The following UBR2 variants were observed in gnomAD, a reference collection of about 807,000 sequenced individuals.
UBR2 encodes the protein E3 ubiquitin-protein ligase UBR2.
Under a neutral mutation model 247.9 loss-of-function variants are expected in UBR2, and 92 were observed. The observed-to-expected ratio is 0.37, with a 90% CI of 0.31 to 0.44. UBR2 has a LOEUF of 0.44. UBR2 is among the 20% of genes least tolerant of loss of function. UBR2 has a pLI of 1.00. For missense variants in UBR2, 1,613 were observed against 2,112.6 expected (o/e 0.76, Z 4.64); for synonymous variants, 672 against 693.5 (o/e 0.97, Z 0.49).
rs1425114693 is a variant in UBR2, at chr6:42,606,593, G to A, written c.806G>A (p.Arg269His). 3.1e-6 allele frequency: 5 copies of A among 1,610,210 alleles called. No individual in the cohort carries two copies. The highest frequency in any genetic ancestry group is 1.3e-5 in the African/African-American group (1 of 74,890). ...TAATTTTAAATATCTTTACAGGGGCGTAGGTCTGTTCGATATGGAGATTTT... is the reference window on the plus strand; with the variant it reads ...TAATTTTAAATATCTTTACAGGGGCATAGGTCTGTTCGATATGGAGATTTT... ...GFATTVDRDG[R>H]RSVRYGDFQY... Residue 269 changes from arginine to histidine, a missense_variant, in exon 7 of 47, where the codon CGT (arginine) becomes CAT (histidine). By Grantham distance (29) the Arg-to-His change is conservative. This residue lies in a region of UBR2 where 1,524 missense variants were observed against 1,967.3 expected (regional missense o/e 0.77). Transcript: ENST00000372901.
intron 42 of UBR2, among the ~76,000 whole-genome samples, chr6:42,681,630 C>T (rs1222285524): frequency 6.6e-6 from 1 of 152,100 alleles, no homozygotes; most frequent in Non-Finnish European, 1.5e-5. Context: ...AACTGGTATA[C>T]TGGTATCCTT....
Position 42,573,821 on chromosome 6 carries a change from C to T in UBR2, c.166C>T (p.Pro56Ser). ...CAAAATCTACTGCAGGGGTCCCAAC[C>T]CTTTTCCACAGAAAGAAGACATGCT... ...VPKIYCRGPN[P>S]FPQKEDMLAQ... Residue 56 changes from proline to serine, a missense_variant, in exon 2 of 47, where the codon CCT becomes TCT. This residue lies in a region of UBR2 where 1,524 missense variants were observed against 1,967.3 expected (regional missense o/e 0.77). Transcript: ENST00000372901. The T allele has an allele frequency of 1.2e-6, 2 of 1,613,828 alleles. No individual in the cohort carries two copies. The highest frequency in any genetic ancestry group is 1.7e-6 in the Non-Finnish European group (2 of 1,179,872).
chr6:42,676,031 C>T (rs139580660), intron 38 of UBR2, 25 bp from the exon 39 acceptor site: 77 of 1,593,512 alleles, frequency 4.8e-5, no homozygotes, highest in African/African-American at 9.5e-5. Flanking sequence ...GGCGATCTGT[C>T]TGATGTCCTG....
chr6:42,672,060 TCTCA>T (rs1257422859), intron 36 of UBR2, among the ~76,000 whole-genome samples: 1 of 151,472 alleles, frequency 6.6e-6, no homozygotes. Flanking sequence ...TGAGATGGAG[TCTCA>T]CTCTGTTGCT....
At chr6:42,685,688 C>T (rs1244348949) in intron 44 of UBR2, among the ~76,000 whole-genome samples, 4 of 151,790 alleles carry the variant, frequency 2.6e-5, no homozygotes, top group African/African-American at 9.7e-5. Flanking sequence ...GGATTACAGG[C>T]ATGAGCCACT....
At chr6:42,576,457 A>T (rs1248952104) in intron 2 of UBR2, among the ~76,000 whole-genome samples, 1 of 150,820 alleles carries the variant, frequency 6.6e-6, no homozygotes, top group Non-Finnish European at 1.5e-5. Context: ...AACTCTCTGC[A>T]TAATTGCCCC....
intron 11 of UBR2, 59 bp downstream of exon 11, chr6:42,617,566 A>C (rs1794640296): frequency 6.9e-7 from 1 of 1,444,320 alleles, no homozygotes; most frequent in Admixed American, 2.0e-5. Flanking sequence ...GCCTTAAAAT[A>C]ATAGAGAACT....
At chr6:42,626,449 A>G (rs926044808) in intron 11 of UBR2, among the ~76,000 whole-genome samples, 1 of 152,170 alleles carries the variant, frequency 6.6e-6, no homozygotes, top group Non-Finnish European at 1.5e-5. Flanking sequence ...AGGGAAATGT[A>G]TGCTCTCTTT....
intron 25 of UBR2, among the ~76,000 whole-genome samples, chr6:42,654,460 C>T (rs73424411): frequency 0.015 from 2,254 of 152,300 alleles, 44 homozygotes; most frequent in African/African-American, 0.053. Context: ...CACAGTGGCT[C>T]ACCCCTGTAA....
chr6:42,599,554 C>T (rs994038683), intron 4 of UBR2, among the ~76,000 whole-genome samples: 1 of 152,144 alleles, frequency 6.6e-6, no homozygotes, highest in African/African-American at 2.4e-5. Context: ...GTACCTTATA[C>T]TGGTTTTAAA....
chr6:42,669,992 G>C, intron 34 of UBR2, 100 bp from the exon 35 acceptor site: 1 of 1,365,294 alleles, frequency 7.3e-7, no homozygotes, highest in Non-Finnish European at 1.0e-6. Flanking sequence ...TATATGTTAA[G>C]TGGTTCAATT....
intron 8 of UBR2, 134 bp downstream of exon 8, chr6:42,612,425 ATATCTT>A: frequency 8.9e-7 from 1 of 1,125,042 alleles, no homozygotes; most frequent in Non-Finnish European, 1.2e-6. Flanking sequence ...CCATTTCAAA[ATATCTT>A]TATGCATAGA....
At chr6:42,685,244 G>C (rs990762387) in intron 44 of UBR2, among the ~76,000 whole-genome samples, 1 of 152,256 alleles carries the variant, frequency 6.6e-6, no homozygotes. Flanking sequence ...CTGAGAGGCA[G>C]AGGTTGTAGT....
intron 34 of UBR2, among the ~76,000 whole-genome samples, chr6:42,667,533 C>T (rs1423394442): frequency 1.5e-5 from 2 of 133,068 alleles, no homozygotes; most frequent in South Asian, 2.3e-4. Context: ...AACTGTGTTT[C>T]TGCTGATACA....
chr6:42,628,701 C>T (rs546968530), intron 11 of UBR2, among the ~76,000 whole-genome samples: 29 of 130,732 alleles, frequency 2.2e-4, no homozygotes, highest in African/African-American at 7.1e-4. Context: ...CTAGCCTGAG[C>T]GACAGAGTGA....
At chr6:42,583,602 A>C (rs1371460102) in intron 2 of UBR2, among the ~76,000 whole-genome samples, 3 of 151,030 alleles carry the variant, frequency 2.0e-5, no homozygotes, top group African/African-American at 7.3e-5. Context: ...GCTCACTGCA[A>C]CCTCTGCCTA....
chr6:42,607,710 C>CTTTTTTTT (rs1562303790), intron 7 of UBR2, among the ~76,000 whole-genome samples: 3 of 52,888 alleles, frequency 5.7e-5, no homozygotes, highest in Non-Finnish European at 7.0e-5. Flanking sequence ...CCACTCCCAG[C>CTTTTTTTT]TGTTTTTTTT....
At chr6:42,687,004 A>G (rs1325237947) in intron 44 of UBR2, among the ~76,000 whole-genome samples, 1 of 143,550 alleles carries the variant, frequency 7.0e-6, no homozygotes, top group East Asian at 2.2e-4. Flanking sequence ...CCTAGACGGG[A>G]TGACGGCCAG....
At chr6:42,660,296 A>G (rs954908223) in intron 30 of UBR2, among the ~76,000 whole-genome samples, 1 of 152,148 alleles carries the variant, frequency 6.6e-6, no homozygotes, top group Non-Finnish European at 1.5e-5. Context: ...TAGTAATACC[A>G]CCACAGATCG....
Sources: gnomAD v4.1 joint callset for allele counts (sites outside exome capture counted in the v4.1 genomes callset) on GRCh38, gnomAD v4.1.1 for gene constraint, gnomAD v4.1.1 regional missense constraint, MANE v1.5 for transcripts, NCBI Gene and HGNC (gene_info 2026-07-23, HGNC 2026-07-21) for gene names.